Variants in MYOM1 observed in about 807,000 individuals in gnomAD.
MYOM1 encodes myomesin-1.
Under a neutral mutation model 205.3 loss-of-function variants are expected in MYOM1, and 164 were observed. The observed-to-expected ratio is 0.80, with a 90% CI of 0.70 to 0.91. The LOEUF (loss-of-function observed/expected upper bound fraction) is 0.91. MYOM1 is among the 40% of genes least tolerant of loss of function. The pLI is 0.00. For synonymous variants in MYOM1, 772 were observed against 789.4 expected, an observed-to-expected ratio of 0.98 and a Z score of 0.37; for missense variants, 2,011 against 2,127.3, an observed-to-expected ratio of 0.95 and a Z score of 1.08.
chr18:3,136,379 G>A (rs566303845), intron 14 of MYOM1, among the ~76,000 whole-genome samples: 42 of 152,062 alleles, frequency 2.8e-4, no homozygotes, highest in African/African-American at 6.7e-4. Context: ...TTTGAGGATC[G>A]TTTGGGGTCA....
At chr18:3,125,561 T>G (rs1297288069) in intron 19 of MYOM1, among the ~76,000 whole-genome samples, 1 of 132,548 alleles carries the variant, frequency 7.5e-6, no homozygotes, top group Non-Finnish European at 1.6e-5. Flanking sequence ...AAACTCCATC[T>G]CAAAAAAAAA....
intron 5 of MYOM1, 143 bp downstream of exon 5, chr18:3,187,337 A>T: frequency 4.7e-6 from 4 of 844,112 alleles, no homozygotes; most frequent in Non-Finnish European, 7.2e-6. Flanking sequence ...CTCAATGCCT[A>T]CCCTTCTTCA....
At position 3,209,132 on chromosome 18, in the gene MYOM1, A is replaced by G. The variant is rs911729420; in HGVS notation, c.290+5802T>C. ...CATTTCTTTGACACGATGTAGAGGG[A>G]ATCTGGGAAAATGGGGAACAAGTGA... On this transcript the variant is annotated intron_variant, in intron 2 of 37. Coordinates refer to ENST00000356443, the MANE Select transcript of MYOM1 (RefSeq NM_003803.4). The surrounding 1 kb of genome is among the most constrained non-coding windows in gnomAD (Gnocchi z 4.0). 2.6e-5 allele frequency among the ~76,000 whole-genome samples: 4 copies of G among 152,174 alleles called. No homozygotes were observed. The highest frequency in any genetic ancestry group is 9.7e-5 in the African/African-American group (4 of 41,436).
intron 22 of MYOM1, among the ~76,000 whole-genome samples, chr18:3,106,736 T>A (rs2079456830): frequency 6.6e-6 from 1 of 152,126 alleles, no homozygotes; most frequent in African/African-American, 2.4e-5. Flanking sequence ...GGTAGGAGGA[T>A]CACTTGAGCC....
Position 3,129,558 on chromosome 18 carries a change from G to T in MYOM1, c.2507-39C>A, listed in dbSNP as rs1013370102. 3 of 1,574,832 alleles carry T rather than the reference G, an allele frequency of 1.9e-6. No individual in the cohort carries two copies. In the African/African-American group the frequency reaches 4.1e-5, roughly 21 times the overall value. ...ACAACAACAGAAACGCATTGAGCCC[G>T]GACAGAGTATCAGCTGCTCTTATAG... is the stretch of plus-strand genomic sequence containing the variant. On this transcript the variant is annotated intron_variant, in intron 17 of 37. Coordinates refer to ENST00000356443, the MANE Select transcript of MYOM1 (RefSeq NM_003803.4).
chr18:3,194,144 A>C (rs1395203302), intron 2 of MYOM1, among the ~76,000 whole-genome samples, 186 bp from the exon 3 acceptor site: 1 of 152,238 alleles, frequency 6.6e-6, no homozygotes. Flanking sequence ...TTCTATATAG[A>C]CAGAAAAGAA....
At chr18:3,186,277 A>G (rs1311394209) in intron 5 of MYOM1, among the ~76,000 whole-genome samples, 1 of 152,142 alleles carries the variant, frequency 6.6e-6, no homozygotes, top group African/African-American at 2.4e-5. Flanking sequence ...CTAGGCAGGC[A>G]TCTGATCAAC....
the MYOM1 span, among the ~76,000 whole-genome samples, chr18:3,233,164 C>A: frequency 6.6e-6 from 1 of 152,218 alleles, no homozygotes; most frequent in African/African-American, 2.4e-5. Flanking sequence ...AATCTGGCCA[C>A]TTCTACTACC....
At chr18:3,206,053 G>T (rs1008960086) in intron 2 of MYOM1, among the ~76,000 whole-genome samples, 3 of 152,114 alleles carry the variant, frequency 2.0e-5, no homozygotes, top group Non-Finnish European at 4.4e-5. Flanking sequence ...AACCACAAAG[G>T]CCAGTGCAAA....
chr18:3,082,212 T>C (rs2079092414), intron 33 of MYOM1, among the ~76,000 whole-genome samples: 1 of 152,180 alleles, frequency 6.6e-6, no homozygotes, highest in African/African-American at 2.4e-5. Context: ...CAGCTCCTAG[T>C]AGGCCACGGA....
chr18:3,085,436 T>C (rs1405314292), intron 30 of MYOM1, among the ~76,000 whole-genome samples: 1 of 151,872 alleles, frequency 6.6e-6, no homozygotes, highest in Non-Finnish European at 1.5e-5. Context: ...TAAAGGCCCT[T>C]GATTTACAGA....
At chr18:3,116,307 C>G in intron 21 of MYOM1, 24 bp downstream of exon 21, 1 of 1,605,704 alleles carries the variant, frequency 6.2e-7, no homozygotes, top group Non-Finnish European at 8.5e-7. Context: ...GTAGAGGAAG[C>G]TCTAGAACTG....
rs192079897 is a variant in MYOM1, at chr18:3,134,726, C to T, written c.2308G>A (p.Gly770Arg). ...GCAACGCTCGCCTCTATGTAGTACC[C>T]GACCAGCTCTTTGGCATCTTTGGAC... ...EESKDAKELV[G>R]YYIEASVAGS... Residue 770 changes from glycine to arginine, a missense_variant, in exon 16 of 38, where the codon GGG (glycine) becomes AGG (arginine). Coordinates refer to ENST00000356443, the MANE Select transcript of MYOM1 (RefSeq NM_003803.4). 42 of 1,613,810 alleles carry T rather than the reference C, an allele frequency of 2.6e-5. No homozygotes were observed. Among genetic ancestry groups the T allele is most frequent in the East Asian group, 4.5e-5 (2 of 44,886 alleles).
chr18:3,161,233 C>T (rs1326079159), intron 10 of MYOM1, among the ~76,000 whole-genome samples: 2 of 152,190 alleles, frequency 1.3e-5, no homozygotes, highest in African/African-American at 4.8e-5. Flanking sequence ...GCCTTATATG[C>T]TTTTCAGATG....
At position 3,174,127 on chromosome 18, in the gene MYOM1, C is replaced by T. The variant is rs368146973; in HGVS notation, c.1104G>A (p.Val368=). ...CAAATCTAGCAAACCTACTTTTTAC[C>T]ACAACTGAAGCATATGCCGAAAGCT... is the stretch of plus-strand genomic sequence containing the variant. ...KGELSAYASV[V]VKRYKGEFDE... is the part of the protein sequence containing the mutation. The change falls in exon 7 of 38, where the codon GTG becomes GTA. Residue 368 remains valine, a synonymous_variant. Coordinates refer to ENST00000356443, the MANE Select transcript of MYOM1 (RefSeq NM_003803.4). 329 of 1,613,808 alleles carry T rather than the reference C, an allele frequency of 2.0e-4. 1 individual carries two copies. Among genetic ancestry groups the T allele is most frequent in the Non-Finnish European group, 2.7e-4 (315 of 1,179,854 alleles).
chr18:3,138,301 C>T (rs1390926078), intron 14 of MYOM1, among the ~76,000 whole-genome samples: 1 of 148,892 alleles, frequency 6.7e-6, no homozygotes, highest in Non-Finnish European at 1.5e-5. Flanking sequence ...GACCAGCTGT[C>T]AGGATGGTAC....
chr18:3,159,898 CTT>C (rs1263877457), intron 10 of MYOM1, among the ~76,000 whole-genome samples: 1 of 88,114 alleles, frequency 1.1e-5, no homozygotes, highest in African/African-American at 3.6e-5. Flanking sequence ...TCCTTCCTTC[CTT>C]CCTTCCTTCC....
rs1446562489 is a variant in MYOM1, at chr18:3,179,152, A to G, written c.930-3018T>C. On this transcript the variant is annotated intron_variant, in intron 5 of 37. Transcript: ENST00000356443. This position sits in a 1 kb window ranked among gnomAD's most constrained non-coding sequence, Gnocchi z 4.4. ...CCAAAATGCTAGGATTACAGCCATGAGCCACTGTGCCTGGCCTGATCCACA... is the reference window on the plus strand; with the variant it reads ...CCAAAATGCTAGGATTACAGCCATGGGCCACTGTGCCTGGCCTGATCCACA... 6.6e-6 allele frequency among the ~76,000 whole-genome samples: 1 copy of G among 151,668 alleles called. No individual in the cohort carries two copies. The highest frequency in any genetic ancestry group is 1.5e-5 in the Non-Finnish European group (1 of 67,950).
At chr18:3,210,615 G>A (rs2081180070) in intron 2 of MYOM1, among the ~76,000 whole-genome samples, 1 of 152,142 alleles carries the variant, frequency 6.6e-6, no homozygotes, top group African/African-American at 2.4e-5. Context: ...CCTTCCATCT[G>A]CTGTTCCCTG....
Sources: allele counts gnomAD v4.1 joint callset (sites outside exome capture counted in the v4.1 genomes callset), GRCh38; gene constraint gnomAD v4.1.1; non-coding constraint Gnocchi (gnomAD v3.1); transcripts MANE v1.5; gene names NCBI Gene and HGNC (gene_info 2026-07-23, HGNC 2026-07-21).